ANAPC10: variants seen among roughly 807,000 people sequenced by gnomAD.
ANAPC10 encodes anaphase promoting complex subunit 10, also known as anaphase-promoting complex subunit 10.
ANAPC10 carries 12 observed loss-of-function variants against 22.0 expected under a neutral mutation model. That is an observed-to-expected ratio of 0.55 (90% CI 0.35 to 0.88). ANAPC10 has a LOEUF of 0.88. Among genes scored for constraint, ANAPC10 ranks in the 40% least tolerant of loss-of-function variants. ANAPC10 has a pLI of 0.01. For missense variants in ANAPC10, 188 were observed against 220.9 expected (o/e 0.85, Z 0.94); for synonymous variants, 65 against 69.5 (o/e 0.94, Z 0.32).
chr4:145,094,558 G>A (rs1460728429), intron 2 of ANAPC10, among the ~76,000 whole-genome samples: 1 of 152,098 alleles, frequency 6.6e-6, no homozygotes, highest in Non-Finnish European at 1.5e-5. Flanking sequence ...TGGTTGAGAG[G>A]ATGGATACAG....
At chr4:144,997,341 G>C (rs929557903) in intron 4 of ANAPC10, among the ~76,000 whole-genome samples, 2 of 152,190 alleles carry the variant, frequency 1.3e-5, no homozygotes, top group Non-Finnish European at 2.9e-5. Flanking sequence ...CAGACAGAAA[G>C]GTCGGGTTGC....
At chr4:145,031,595 A>G (rs1737590032) in intron 4 of ANAPC10, among the ~76,000 whole-genome samples, 1 of 152,204 alleles carries the variant, frequency 6.6e-6, no homozygotes, top group Non-Finnish European at 1.5e-5. Context: ...GGTCCAGAAC[A>G]GGAGAAGGCT....
chr4:145,013,653 T>C (rs559943069), intron 4 of ANAPC10, among the ~76,000 whole-genome samples: 6 of 152,108 alleles, frequency 3.9e-5, no homozygotes, highest in Admixed American at 3.3e-4. Flanking sequence ...GAATTTTAGC[T>C]CCAGAGTGAT....
intron 4 of ANAPC10, among the ~76,000 whole-genome samples, chr4:145,055,868 C>A (rs888770864): frequency 8.5e-5 from 13 of 152,258 alleles, no homozygotes; most frequent in East Asian, 1.9e-4. Context: ...TGTAGCACTA[C>A]TGAACTAACT....
chr4:145,051,243 G>C (rs1741056860), intron 4 of ANAPC10, among the ~76,000 whole-genome samples: 1 of 151,704 alleles, frequency 6.6e-6, no homozygotes, highest in Non-Finnish European at 1.5e-5. Context: ...TAGAGAGAAA[G>C]AGATAAAAAA....
At chr4:145,087,461 A>G (rs1747063612) in intron 2 of ANAPC10, among the ~76,000 whole-genome samples, 1 of 151,994 alleles carries the variant, frequency 6.6e-6, no homozygotes, top group South Asian at 2.1e-4. Flanking sequence ...AGGCTCTGCT[A>G]GGGGGCTATT....
intron 4 of ANAPC10, among the ~76,000 whole-genome samples, chr4:145,025,697 TA>T (rs1736565642): frequency 6.6e-6 from 1 of 152,126 alleles, no homozygotes; most frequent in Non-Finnish European, 1.5e-5. Context: ...CTACAAGAAT[TA>T]CCAAAATATG....
intron 4 of ANAPC10, among the ~76,000 whole-genome samples, chr4:145,034,034 T>C (rs573635340): frequency 8.9e-4 from 135 of 152,334 alleles, no homozygotes; most frequent in African/African-American, 2.9e-3. Flanking sequence ...GTACGAAGGA[T>C]AGTTGTATTA....
intron 4 of ANAPC10, among the ~76,000 whole-genome samples, chr4:145,054,695 CCTGTGTGTGTGT>C (rs1273713707): frequency 1.8e-4 from 26 of 142,038 alleles, no homozygotes; most frequent in Admixed American, 1.7e-3. Context: ...TGTGTGTGTG[CCTGTGTGTGTGT>C]GCATGTGTGT....
chr4:145,064,844 G>A (rs1043143304), intron 3 of ANAPC10, 152 bp from the exon 4 acceptor site: 27 of 649,230 alleles, frequency 4.2e-5, no homozygotes, highest in Middle Eastern at 4.4e-4. Flanking sequence ...AATGAAAAAT[G>A]TAAAAATATA....
intron 3 of ANAPC10, among the ~76,000 whole-genome samples, chr4:145,076,263 C>T (rs1745182073): frequency 6.6e-6 from 1 of 152,162 alleles, no homozygotes; most frequent in African/African-American, 2.4e-5. Flanking sequence ...TCTTGAAGGG[C>T]CAGAGAACAA....
chr4:145,044,390 A>G (rs1032213532), intron 4 of ANAPC10, among the ~76,000 whole-genome samples: 1 of 152,062 alleles, frequency 6.6e-6, no homozygotes, highest in Non-Finnish European at 1.5e-5. Flanking sequence ...AAATCATTTC[A>G]AAAAATGTGT....
intron 4 of ANAPC10, among the ~76,000 whole-genome samples, chr4:145,026,241 T>C (rs939963124): frequency 5.9e-5 from 9 of 152,168 alleles, no homozygotes; most frequent in African/African-American, 2.2e-4. Flanking sequence ...TGTCCTCAAT[T>C]TAACATTTAT....
intron 4 of ANAPC10, among the ~76,000 whole-genome samples, chr4:144,997,629 C>A (rs929251767): frequency 6.6e-6 from 1 of 152,238 alleles, no homozygotes; most frequent in East Asian, 1.9e-4. Context: ...CAAAAACAGG[C>A]CAAATTGTAA....
At chr4:145,039,455 T>C (rs1739161995) in intron 4 of ANAPC10, among the ~76,000 whole-genome samples, 2 of 152,238 alleles carry the variant, frequency 1.3e-5, no homozygotes, top group Non-Finnish European at 2.9e-5. Flanking sequence ...CAAGTTTTCT[T>C]GCTTTAGATT....
rs2127151916 is a variant in ANAPC10 at position 145,043,526 on chromosome 4, G to A, written c.327+21046C>T. ...TAACCTGCCACCCACGTTGCTGAGA[G>A]AACAGCTTTCAAACACATGCACTGA... On this transcript the variant is annotated intron_variant, in intron 4 of 4. Transcript: ENST00000507656. Among the ~76,000 whole-genome samples the A allele has an allele frequency of 1.3e-5, 2 of 152,160 alleles. 1 individual carries two copies. The highest frequency in any genetic ancestry group is 4.2e-4 in the South Asian group (2 of 4,814).
chr4:145,083,342 A>G (rs1746370120), intron 2 of ANAPC10, among the ~76,000 whole-genome samples: 1 of 152,210 alleles, frequency 6.6e-6, no homozygotes, highest in Non-Finnish European at 1.5e-5. Context: ...ACACCTCTGC[A>G]GAACATTTAG....
chr4:145,059,526 T>C (rs1197783878), intron 4 of ANAPC10, among the ~76,000 whole-genome samples: 4 of 152,118 alleles, frequency 2.6e-5, no homozygotes, highest in Admixed American at 6.6e-5. Context: ...ATCAATATTT[T>C]ATCCTTTCAT....
intron 4 of ANAPC10, among the ~76,000 whole-genome samples, chr4:145,049,243 G>A (rs1188953451): frequency 6.6e-6 from 1 of 152,180 alleles, no homozygotes; most frequent in Admixed American, 6.5e-5. Flanking sequence ...TAAGGTGGTA[G>A]TTACTAAAGG....
Sources: gnomAD v4.1 joint callset for allele counts (sites outside exome capture counted in the v4.1 genomes callset) on GRCh38, gnomAD v4.1.1 for gene constraint, MANE v1.5 for transcripts, NCBI Gene and HGNC (gene_info 2026-07-23, HGNC 2026-07-21) for gene names.